DCHS1: variants seen among roughly 807,000 people sequenced by gnomAD.
DCHS1 encodes protocadherin-16.
In DCHS1, 78 loss-of-function variants were observed where a neutral mutation model predicts 213.9. The ratio of observed to expected loss-of-function variants is 0.36; its 90% CI spans 0.30 to 0.44. The LOEUF (loss-of-function observed/expected upper bound fraction) is 0.44, where lower values mean the gene tolerates loss of function less well. DCHS1 is among the 20% of genes least tolerant of loss of function. The pLI is 1.00. For missense variants in DCHS1, 3,946 were observed against 4,395.9 expected (o/e 0.90, Z 2.89); for synonymous variants, 1,828 against 1,873.7 (o/e 0.98, Z 0.63).
At position 6,641,395 on chromosome 11, in the gene DCHS1, T is replaced by C; in HGVS notation, c.219A>G (p.Ala73=). Residue 73 remains alanine, a synonymous_variant, in exon 2 of 21, where the codon GCA becomes GCG. Coordinates refer to ENST00000299441, the MANE Select transcript of DCHS1 (RefSeq NM_003737.4). This position sits in a 1 kb window ranked among gnomAD's most constrained non-coding sequence, Gnocchi z 7.1. The stretch of plus-strand genomic sequence containing the variant: ...CAGAGATGAAGTACATGAGAGGAGC[T>C]GCCGTGCCTGCCGGAAGCCCCGCAC... ...DISAGLPAGT[A]APLMYFISAQ... is the part of the protein sequence containing the mutation. 2 of 1,613,216 alleles carry C rather than the reference T, an allele frequency of 1.2e-6. No homozygotes were observed. The highest frequency in any genetic ancestry group is 1.7e-6 in the Non-Finnish European group (2 of 1,179,798).
chr11:6,644,417 C>T (rs780643192), intron 1 of DCHS1, among the ~76,000 whole-genome samples: 1 of 152,198 alleles, frequency 6.6e-6, no homozygotes, highest in Non-Finnish European at 1.5e-5. Flanking sequence ...TTCCTAACTC[C>T]TCACCTTGTA....
At chr11:6,629,606 A>G (rs181222583) in intron 11 of DCHS1, 29 bp from the exon 12 acceptor site, 1 of 1,613,400 alleles carries the variant, frequency 6.2e-7, no homozygotes, top group Admixed American at 1.7e-5. Context: ...GAGGGCGATC[A>G]GAGGGTAAAA....
intron 12 of DCHS1, 47 bp downstream of exon 12, chr11:6,629,405 T>A (rs947244411): frequency 1.9e-6 from 3 of 1,602,432 alleles, no homozygotes; most frequent in Non-Finnish European, 1.7e-6. Context: ...GTAACACTGG[T>A]GTTTACAACA....
At position 6,630,148 on chromosome 11, in the gene DCHS1, G is replaced by A. The variant is rs1855876648; in HGVS notation, c.4646C>T (p.Pro1549Leu). ...GTCCTCTGGGAGGCGCACGCGTGAC[G>A]GCGAGGCGAAGACAGGCGCGTTGTC... Reference protein sequence around the residue: ...ENDNAPVFASPSRVRLPEDQP... With the variant: ...ENDNAPVFASLSRVRLPEDQP... The change falls in exon 10 of 21, where the codon CCG (proline) becomes CTG (leucine). Residue 1549 changes from proline to leucine, a missense_variant. By Grantham distance (98) the Pro-to-Leu change is moderately conservative. Transcript: ENST00000299441. The A allele has an allele frequency of 3.1e-6, 5 of 1,603,776 alleles. No homozygotes were observed. The highest frequency in any genetic ancestry group is 4.3e-6 in the Non-Finnish European group (5 of 1,174,720).
In DCHS1 at chr11:6,640,055, C is replaced by G. The variant is rs757570224; in HGVS notation, c.1559G>C (p.Trp520Ser). Reference protein sequence around the residue: ...YSLAPGAHTHWFSIDPTSGII... With the variant: ...YSLAPGAHTHSFSIDPTSGII... ...GCCTGAGGTGGGGTCAATGGAGAAC[C>G]AGTGGGTGTGGGCGCCAGGGGCTAG... The change falls in exon 2 of 21, where the codon TGG becomes TCG. Residue 520 changes from tryptophan to serine, a missense_variant. By Grantham distance (177) the Trp-to-Ser change is radical. Around this residue, in one of 3 missense-constraint regions of DCHS1, gnomAD observed 3,384 missense variants for 3,780.1 expected, o/e 0.90. Transcript: ENST00000299441. This position sits in a 1 kb window ranked among gnomAD's most constrained non-coding sequence, Gnocchi z 6.5. 3.7e-6 allele frequency: 6 copies of G among 1,613,992 alleles called. No individual in the cohort carries two copies. In the South Asian group the frequency reaches 6.6e-5, roughly 18 times the overall value.
At chr11:6,643,048 G>A (rs1856103495) in intron 1 of DCHS1, among the ~76,000 whole-genome samples, 1 of 152,158 alleles carries the variant, frequency 6.6e-6, no homozygotes, top group Non-Finnish European at 1.5e-5. Context: ...TTTCTGACCT[G>A]AACTACCAGC....
Position 6,627,278 on chromosome 11 carries a change from G to T in DCHS1, c.5761C>A (p.Gln1921Lys). Residue 1921 changes from glutamine to lysine, a missense_variant, in exon 14 of 21, where the codon CAG (glutamine) becomes AAG (lysine). Physicochemically the swap from Gln to Lys is moderately conservative, Grantham distance 53. Transcript: ENST00000299441. This position sits in a 1 kb window ranked among gnomAD's most constrained non-coding sequence, Gnocchi z 5.4. ...LRTAAALDRE[Q>K]CPSYTFSVSA... ...ACAGAAAAGGTGTAGCTGGGACACT[G>T]TTCTCTGTCCAAGGCTGCAGCTGTG... 6.2e-7 allele frequency: 1 copy of T among 1,613,208 alleles called. No homozygotes were observed. The highest frequency in any genetic ancestry group is 8.5e-7 in the Non-Finnish European group (1 of 1,179,758).
chr11:6,647,805 G>A (rs1856186177), intron 1 of DCHS1, among the ~76,000 whole-genome samples: 1 of 152,194 alleles, frequency 6.6e-6, no homozygotes, highest in Non-Finnish European at 1.5e-5. Context: ...GGAAGTTGAG[G>A]GGACAGAGTC....
In DCHS1 at chr11:6,640,084, A is replaced by G. The variant is rs1256169766; in HGVS notation, c.1530T>C (p.Tyr510=). Residue 510 remains tyrosine (Y), a synonymous_variant, in exon 2 of 21, where the codon TAT becomes TAC. Transcript: ENST00000299441. The surrounding 1 kb of genome is among the most constrained non-coding windows in gnomAD (Gnocchi z 6.5). ...PDQGTNGQVT[Y]SLAPGAHTHW... The stretch of plus-strand genomic sequence containing the variant: ...GGGTGTGGGCGCCAGGGGCTAGGCT[A>G]TAAGTGACCTGACCATTGGTGCCTT... 6 of 1,613,836 alleles carry G rather than the reference A, an allele frequency of 3.7e-6. No homozygotes were observed. The highest frequency in any genetic ancestry group is 1.1e-5 in the South Asian group (1 of 91,062).
intron 1 of DCHS1, among the ~76,000 whole-genome samples, chr11:6,653,418 T>C (rs1564873256): frequency 1.3e-5 from 2 of 152,216 alleles, no homozygotes. Flanking sequence ...TCCATGAGGA[T>C]AAGGACCATG....
Position 6,627,180 on chromosome 11 carries a change from G to T in DCHS1, c.5859C>A (p.Val1953=). ...TGGGGAAGGTGGGTGCATGGTCATT[G>T]ACATCGCGCACCGTGATGGTGACAG... is the stretch of plus-strand genomic sequence containing the variant. ...TVSVTITVRD[V]NDHAPTFPTS... Residue 1953 remains valine (V), a synonymous_variant, in exon 14 of 21, where the codon GTC becomes GTA. Transcript: ENST00000299441. This position sits in a 1 kb window ranked among gnomAD's most constrained non-coding sequence, Gnocchi z 5.4. 1.2e-6 allele frequency: 2 copies of T among 1,612,770 alleles called. No homozygotes were observed. Among genetic ancestry groups the T allele is most frequent in the Non-Finnish European group, 8.5e-7 (1 of 1,179,428 alleles).
rs749603431 is a variant in DCHS1 at position 6,640,848 on chromosome 11, T to A, written c.766A>T (p.Asn256Tyr). 3.7e-6 allele frequency: 6 copies of A among 1,614,020 alleles called. No individual in the cohort carries two copies. The Admixed American group carries it at 5.0e-5, about 13-fold the overall frequency. Reference protein sequence around the residue: ...LDINDHAPAFNQSRYHAVVSE... With the variant: ...LDINDHAPAFYQSRYHAVVSE... The stretch of plus-strand genomic sequence containing the variant: ...ACCACAGCATGGTAGCGGCTCTGAT[T>A]GAAAGCCGGGGCATGGTCATTGATG... The change falls in exon 2 of 21, where the codon AAT becomes TAT. Residue 256 changes from asparagine (N) to tyrosine (Y), a missense_variant. By Grantham distance (143) the Asn-to-Tyr change is moderately radical (BLOSUM62 -2). This residue lies in a region of DCHS1 where 3,384 missense variants were observed against 3,780.1 expected (regional missense o/e 0.90). Transcript: ENST00000299441. This position sits in a 1 kb window ranked among gnomAD's most constrained non-coding sequence, Gnocchi z 6.5.
Position 6,630,427 on chromosome 11 carries a change from T to C in DCHS1, c.4367A>G (p.Tyr1456Cys), listed in dbSNP as rs1422234762. ...GTCGGCGTCCGACGCGCGGAAAGTG[T>C]ACAGCGCTGCGCCGGGCTCCGGGTT... is the stretch of plus-strand genomic sequence containing the variant. Reference protein sequence around the residue: ...PENPEPGAALYTFRASDADGP... With the variant: ...PENPEPGAALCTFRASDADGP... The change falls in exon 10 of 21, where the codon TAC (tyrosine) becomes TGC (cysteine). Residue 1456 changes from tyrosine (Y) to cysteine (C), a missense_variant. Tyr to Cys is a radical substitution (Grantham distance 194, BLOSUM62 -2). This residue lies in a region of DCHS1 where 3,384 missense variants were observed against 3,780.1 expected (regional missense o/e 0.90). Coordinates refer to ENST00000299441, the MANE Select transcript of DCHS1 (RefSeq NM_003737.4). The C allele has an allele frequency of 4.0e-6, 6 of 1,489,218 alleles. No individual in the cohort carries two copies. The highest frequency in any genetic ancestry group is 5.3e-6 in the Non-Finnish European group (6 of 1,125,502). The allele number at this position is 1,489,218 out of a possible 1,614,324, so 92.3% of individuals were successfully genotyped here.
Position 6,655,701 on chromosome 11 carries a change from C to T in DCHS1, c.-259G>A. 1 of 980,670 alleles carries T rather than the reference C, an allele frequency of 1.0e-6. No homozygotes were observed. The highest frequency in any genetic ancestry group is 1.2e-6 in the Non-Finnish European group (1 of 828,010). 60.7% of individuals were successfully genotyped at this position (980,670 alleles called of 1,614,324 possible). A position where few individuals can be genotyped will look rare whatever the true frequency, so the allele number is the denominator to read the frequency against. ...CTGTCTCCGAGGCCCGCGATCCCCT[C>T]CGGGCAGCCGCCGTCGGTCCGCGCG... On this transcript the variant is annotated 5_prime_UTR_variant, in exon 1 of 21. Transcript: ENST00000299441.
chr11:6,647,384 C>G (rs909488033), intron 1 of DCHS1, among the ~76,000 whole-genome samples: 3 of 152,080 alleles, frequency 2.0e-5, no homozygotes, highest in Non-Finnish European at 4.4e-5. Flanking sequence ...GAGGAGGAGA[C>G]AGCTAACAAA....
Position 6,626,353 on chromosome 11 carries a change from C to T in DCHS1, c.6392G>A (p.Gly2131Glu). 1 of 1,613,642 alleles carries T rather than the reference C, an allele frequency of 6.2e-7. No individual in the cohort carries two copies. The highest frequency in any genetic ancestry group is 1.1e-5 in the South Asian group (1 of 91,008). The change falls in exon 16 of 21, where the codon GGG becomes GAG. Residue 2131 changes from glycine (G) to glutamate (E), a missense_variant. Gly to Glu is a moderately conservative substitution (Grantham distance 98, BLOSUM62 -2). Coordinates refer to ENST00000299441, the MANE Select transcript of DCHS1 (RefSeq NM_003737.4). This position sits in a 1 kb window ranked among gnomAD's most constrained non-coding sequence, Gnocchi z 5.2. ...CCGTGGACTCACCTCGAAGTCTAGC[C>T]CCTCTGCTGAGCGAACTGTGATGGC... The part of the protein sequence containing the change: ...TGAITVRSAE[G>E]LDFEVSPRLR...
intron 9 of DCHS1, 83 bp from the exon 10 acceptor site, chr11:6,630,946 A>C: frequency 6.7e-7 from 1 of 1,502,072 alleles, no homozygotes; most frequent in Non-Finnish European, 8.9e-7. Context: ...GTGGTAGGAA[A>C]GTGGTCAGAG....
chr11:6,622,529 C>A lies in DCHS1; in HGVS notation c.9147G>T (p.Glu3049Asp), dbSNP rs928392507. The A allele has an allele frequency of 6.3e-6, 10 of 1,580,216 alleles. No homozygotes were observed. The highest frequency in any genetic ancestry group is 8.6e-6 in the Non-Finnish European group (10 of 1,163,700). The change falls in exon 21 of 21, where the codon GAG becomes GAT. Residue 3049 changes from glutamate (E) to aspartate (D), a missense_variant. Around this residue, in one of 3 missense-constraint regions of DCHS1, gnomAD observed 554 missense variants for 590.2 expected, o/e 0.94. Transcript: ENST00000299441. The surrounding 1 kb of genome is among the most constrained non-coding windows in gnomAD (Gnocchi z 5.4). Reference sequence around the variant, plus strand: ...AGGCCACACTGGCCACACGGGGGAACTCATTGATCATGCGGATCTCATCAT... The same window carrying A: ...AGGCCACACTGGCCACACGGGGGAAATCATTGATCATGCGGATCTCATCAT... Reference protein sequence around the residue: ...AEDDEIRMINEFPRVASVASS... With the variant: ...AEDDEIRMINDFPRVASVASS...
rs1273670559 is a variant in DCHS1 at position 6,626,543 on chromosome 11, A to G, written c.6364+9T>C. On this transcript the variant is annotated intron_variant, in intron 15 of 20. Transcript: ENST00000299441. This position sits in a 1 kb window ranked among gnomAD's most constrained non-coding sequence, Gnocchi z 5.2. ...TGTCCTGCACAGAGCCCCTGCTCCT[A>G]TTTCTTACCTGTACTAGGCTGGATG... 6.2e-7 allele frequency: 1 copy of G among 1,613,676 alleles called. No individual in the cohort carries two copies. Among genetic ancestry groups the G allele is most frequent in the African/African-American group, 1.3e-5 (1 of 75,016 alleles).
Sources: allele counts gnomAD v4.1 joint callset (sites outside exome capture counted in the v4.1 genomes callset), GRCh38; gene constraint gnomAD v4.1.1; regional missense constraint gnomAD v4.1.1; non-coding constraint Gnocchi (gnomAD v3.1); transcripts MANE v1.5; gene names NCBI Gene and HGNC (gene_info 2026-07-23, HGNC 2026-07-21).